The following STYX variants were observed in gnomAD, a reference collection of about 807,000 sequenced individuals.
The protein encoded by STYX is serine/threonine/tyrosine-interacting protein.
STYX carries 20 observed loss-of-function variants against 42.7 expected under a neutral mutation model. The observed-to-expected ratio is 0.47, with a 90% confidence interval of 0.33 to 0.68. The LOEUF (loss-of-function observed/expected upper bound fraction) is 0.68, where lower values mean the gene tolerates loss of function less well. Ranked by LOEUF, STYX falls within the 30% of genes least tolerant of loss-of-function variation. STYX has a pLI of 0.02. For synonymous variants in STYX, 78 were observed against 81.9 expected, an observed-to-expected ratio of 0.95 and a Z score of 0.26; for missense variants, 226 against 268.5, an observed-to-expected ratio of 0.84 and a Z score of 1.11.
rs778455849 is a variant in STYX, at chr14:52,746,468, A to G, written c.133A>G (p.Met45Val). 4.5e-6 allele frequency: 7 copies of G among 1,553,788 alleles called. No individual in the cohort carries two copies. The highest frequency in any genetic ancestry group is 1.7e-4 in the Middle Eastern group (1 of 5,902). Reference protein sequence around the residue: ...GLFLGPYSSAMKSKLPVLQKH... With the variant: ...GLFLGPYSSAVKSKLPVLQKH... ...GTTCTTAGGCCCATATTCATCTGCT[A>G]TGAAAAGCAAGGTATGAACTTTGTT... Residue 45 changes from methionine (M) to valine (V), a missense_variant, in exon 3 of 11, where the codon ATG becomes GTG. Coordinates refer to ENST00000354586, the MANE Select transcript of STYX (RefSeq NM_145251.4).
chr14:52,737,344 G>A (rs1187102179), intron 1 of STYX, among the ~76,000 whole-genome samples: 2 of 152,146 alleles, frequency 1.3e-5, no homozygotes, highest in Admixed American at 6.5e-5. Context: ...TTTATGGAAA[G>A]GAAGGAGATA....
At chr14:52,755,692 T>G (rs939955875) in intron 4 of STYX, among the ~76,000 whole-genome samples, 4 of 151,198 alleles carry the variant, frequency 2.6e-5, no homozygotes, top group African/African-American at 9.7e-5. Flanking sequence ...AGTTTTTTTT[T>G]TTTTTTTTTT....
chr14:52,753,359 G>A (rs1014561371), intron 4 of STYX, among the ~76,000 whole-genome samples: 2 of 151,668 alleles, frequency 1.3e-5, no homozygotes, highest in African/African-American at 2.4e-5. Flanking sequence ...CCTAATTTTT[G>A]TATTTTTAGT....
In STYX at chr14:52,771,210, A is replaced by G. The variant is rs1882497436; in HGVS notation, c.*104A>G. On this transcript the variant is annotated 3_prime_UTR_variant, in exon 11 of 11. Transcript: ENST00000354586. ...TAAAAACATAAGTAGTTTTTTTTTCAATTACATGTTGCTTCCAGACATACT... is the reference window on the plus strand; with the variant it reads ...TAAAAACATAAGTAGTTTTTTTTTCGATTACATGTTGCTTCCAGACATACT... 1 of 1,046,206 alleles carries G rather than the reference A, an allele frequency of 9.6e-7. No homozygotes were observed. 64.8% of individuals were successfully genotyped at this position (1,046,206 alleles called of 1,614,324 possible).
At chr14:52,732,962 C>T (rs1443512304) in intron 1 of STYX, among the ~76,000 whole-genome samples, 1 of 152,132 alleles carries the variant, frequency 6.6e-6, no homozygotes, top group African/African-American at 2.4e-5. Context: ...TGAGCCACCG[C>T]GAAGGAGTAT....
In STYX at chr14:52,756,552, T is replaced by C; in HGVS notation, c.244T>C (p.Tyr82His). 1 of 1,517,244 alleles carries C rather than the reference T, an allele frequency of 6.6e-7. No homozygotes were observed. Among genetic ancestry groups the C allele is most frequent in the Admixed American group, 1.9e-5 (1 of 51,736 alleles). The allele number at this position is 1,517,244 out of a possible 1,614,324, so 94.0% of individuals were successfully genotyped here. The stretch of plus-strand genomic sequence containing the variant: ...TATCACAAAATACTCTATTTTCAGA[T>C]ATTTAGTCCTGGATATTGCAGATAA... ...IKPNFQQLFR[Y>H]LVLDIADNPV... The change falls in exon 5 of 11, where the codon TAT becomes CAT. Residue 82 changes from tyrosine to histidine, a missense_variant and splice_region_variant. Tyr to His is a moderately conservative substitution (Grantham distance 83). Transcript: ENST00000354586.
chr14:52,771,817 T>A lies in STYX; in HGVS notation c.*711T>A, dbSNP rs1882522358. ...ATTTTAAAAACTACAGTTTCCATGA[T>A]AAAAGGAAAACGTTTTGATTTATAG... On this transcript the variant is annotated 3_prime_UTR_variant, in exon 11 of 11. Transcript: ENST00000354586. 1 of 152,500 alleles carries A rather than the reference T, an allele frequency of 6.6e-6. No homozygotes were observed. The highest frequency in any genetic ancestry group is 2.4e-5 in the African/African-American group (1 of 41,454). The allele number at this position is 152,500 out of a possible 1,614,324, so 9.4% of individuals were successfully genotyped here. A position where few individuals can be genotyped will look rare whatever the true frequency, so the allele number is the denominator to read the frequency against.
At chr14:52,756,137 C>T (rs1360424521) in intron 4 of STYX, among the ~76,000 whole-genome samples, 4 of 152,016 alleles carry the variant, frequency 2.6e-5, no homozygotes, top group Non-Finnish European at 5.9e-5. Flanking sequence ...TACCTCAGCC[C>T]CCTTAGTAGC....
intron 1 of STYX, among the ~76,000 whole-genome samples, chr14:52,743,587 TA>T (rs1229323031): frequency 6.6e-6 from 1 of 151,642 alleles, no homozygotes; most frequent in Non-Finnish European, 1.5e-5. Context: ...TCTCAAAAAA[TA>T]AAAAAATAAA....
At chr14:52,766,966 C>T (rs1158805381) in intron 9 of STYX, among the ~76,000 whole-genome samples, 1 of 151,798 alleles carries the variant, frequency 6.6e-6, no homozygotes, top group African/African-American at 2.4e-5. Flanking sequence ...GAGAACAAAA[C>T]AGACAATAAT....
At position 52,774,854 on chromosome 14, in the gene STYX, G is replaced by C. The variant is rs986130630; in HGVS notation, c.*3748G>C. On this transcript the variant is annotated 3_prime_UTR_variant, in exon 11 of 11. Coordinates refer to ENST00000354586, the MANE Select transcript of STYX (RefSeq NM_145251.4). ...TTAAGTTACTCTGCTTTTAACATTT[G>C]TACTTGGATAAAATGCTTATGTCTG... 1 of 152,102 alleles carries C rather than the reference G, an allele frequency of 6.6e-6. No individual in the cohort carries two copies. Among genetic ancestry groups the C allele is most frequent in the Non-Finnish European group, 1.5e-5 (1 of 68,012 alleles). 9.4% of individuals were successfully genotyped at this position (152,102 alleles called of 1,614,324 possible).
chr14:52,771,162 G>C lies in STYX; in HGVS notation c.*56G>C. The C allele has an allele frequency of 2.0e-6, 3 of 1,477,590 alleles. No individual in the cohort carries two copies. In the Admixed American group the frequency reaches 5.8e-5, roughly 29 times the overall value. 91.5% of individuals were successfully genotyped at this position (1,477,590 alleles called of 1,614,324 possible). On this transcript the variant is annotated 3_prime_UTR_variant, in exon 11 of 11. Coordinates refer to ENST00000354586, the MANE Select transcript of STYX (RefSeq NM_145251.4). ...TCTATTTGGGAAGGAGAAAATACAA[G>C]AGAAAATTATAATGTAAAATGGTAA... is the stretch of plus-strand genomic sequence containing the variant.
chr14:52,757,467 G>C, intron 6 of STYX, 112 bp downstream of exon 6: 1 of 992,262 alleles, frequency 1.0e-6, no homozygotes, highest in Non-Finnish European at 1.5e-6. Context: ...ATATGTAGTA[G>C]CTTACTCCCA....
In STYX at chr14:52,730,258, T is replaced by C. The variant is rs1268757142; in HGVS notation, c.-217T>C. The C allele has an allele frequency of 5.2e-6, 3 of 576,962 alleles. No individual in the cohort carries two copies. Among genetic ancestry groups the C allele is most frequent in the Non-Finnish European group, 9.3e-6 (3 of 323,160 alleles). The allele number at this position is 576,962 out of a possible 1,614,324, so 35.7% of individuals were successfully genotyped here. A position where few individuals can be genotyped will look rare whatever the true frequency, so the allele number is the denominator to read the frequency against. ...AGACGGCAGCGGCATGGCGGCCGGG[T>C]GTAAGACGCCCGACCCTCCTCTTCC... On this transcript the variant is annotated 5_prime_UTR_variant, in exon 1 of 11. Coordinates refer to ENST00000354586, the MANE Select transcript of STYX (RefSeq NM_145251.4).
chr14:52,756,547 T>G lies in STYX; in HGVS notation c.243-4T>G, dbSNP rs1881873530. ...GTGCTTATCACAAAATACTCTATTTTCAGATATTTAGTCCTGGATATTGCA... is the reference window on the plus strand; with the variant it reads ...GTGCTTATCACAAAATACTCTATTTGCAGATATTTAGTCCTGGATATTGCA... On this transcript the variant is annotated splice_polypyrimidine_tract_variant and splice_region_variant and intron_variant, in intron 4 of 10. Transcript: ENST00000354586. 4 of 1,509,412 alleles carry G rather than the reference T, an allele frequency of 2.7e-6. No homozygotes were observed. The Admixed American group carries it at 8.0e-5, about 30-fold the overall frequency. 93.5% of individuals were successfully genotyped at this position (1,509,412 alleles called of 1,614,324 possible).
At chr14:52,762,506 T>A (rs959561398) in intron 9 of STYX, among the ~76,000 whole-genome samples, 1 of 152,214 alleles carries the variant, frequency 6.6e-6, no homozygotes, top group Admixed American at 6.5e-5. Flanking sequence ...TGTTAATGTA[T>A]TGCTGGATTG....
At chr14:52,734,619 T>C (rs1300614867) in intron 1 of STYX, among the ~76,000 whole-genome samples, 1 of 152,214 alleles carries the variant, frequency 6.6e-6, no homozygotes, top group East Asian at 1.9e-4. Context: ...TTTCATATTA[T>C]ATCACAGGGA....
Position 52,771,199 on chromosome 14 carries a change from G to T in STYX, c.*93G>T. 8.4e-7 allele frequency: 1 copy of T among 1,192,676 alleles called. No homozygotes were observed. The highest frequency in any genetic ancestry group is 1.2e-6 in the Non-Finnish European group (1 of 854,054). The allele number at this position is 1,192,676 out of a possible 1,614,324, so 73.9% of individuals were successfully genotyped here. A position where few individuals can be genotyped will look rare whatever the true frequency, so the allele number is the denominator to read the frequency against. On this transcript the variant is annotated 3_prime_UTR_variant, in exon 11 of 11. Coordinates refer to ENST00000354586, the MANE Select transcript of STYX (RefSeq NM_145251.4). ...ATGTAAAATGGTAAAAACATAAGTAGTTTTTTTTTCAATTACATGTTGCTT... is the reference window on the plus strand; with the variant it reads ...ATGTAAAATGGTAAAAACATAAGTATTTTTTTTTTCAATTACATGTTGCTT...
In STYX at chr14:52,765,032, C is replaced by T. The variant is rs539604326; in HGVS notation, c.505-3808C>T. Among the ~76,000 whole-genome samples the T allele has an allele frequency of 1.0e-3, 159 of 152,214 alleles. No individual in the cohort carries two copies. The Middle Eastern group carries it at 0.014, about 13-fold the overall frequency. The stretch of plus-strand genomic sequence containing the variant: ...TACCTGTTCCAGTGTCTTTATTAAA[C>T]TCTTGGACTTTATTAAGAATAGTTC... On this transcript the variant is annotated intron_variant, in intron 9 of 10. Coordinates refer to ENST00000354586, the MANE Select transcript of STYX (RefSeq NM_145251.4).
Sources: allele counts gnomAD v4.1 joint callset (sites outside exome capture counted in the v4.1 genomes callset), GRCh38; gene constraint gnomAD v4.1.1; transcripts MANE v1.5; gene names NCBI Gene and HGNC (gene_info 2026-07-23, HGNC 2026-07-21).